CHD7: variants seen among roughly 807,000 people sequenced by gnomAD.
The protein encoded by CHD7 is chromodomain helicase DNA binding protein 7.
In CHD7, 24 loss-of-function variants were observed where a neutral mutation model predicts 307.3. The observed-to-expected ratio is 0.08, with a 90% CI of 0.06 to 0.11. The LOEUF (loss-of-function observed/expected upper bound fraction) is 0.11, where lower values mean the gene tolerates loss of function less well. Among genes scored for constraint, CHD7 ranks in the 10% least tolerant of loss-of-function variants. The pLI is 1.00. For synonymous variants in CHD7, 1,363 were observed against 1,349.9 expected (o/e 1.01, Z -0.21); for missense variants, 3,106 against 3,727.1 (o/e 0.83, Z 4.34).
chr8:60,687,172 T>A (rs1805946085), intron 1 of CHD7, among the ~76,000 whole-genome samples: 1 of 152,228 alleles, frequency 6.6e-6, no homozygotes, highest in African/African-American at 2.4e-5. Context: ...CTATTAAACA[T>A]CTTTAACATA....
In CHD7 at chr8:60,692,148, G is replaced by T. The variant is rs551224923; in HGVS notation, c.-175+13066G>T. 3.9e-5 allele frequency among the ~76,000 whole-genome samples: 6 copies of T among 152,260 alleles called. No homozygotes were observed. In the South Asian group the frequency reaches 1.2e-3, roughly 32 times the overall value. ...TGCTTGTCCATCATTCATATTATAAGAATTGCAAAAATTCTTACAGTGTAT... is the reference window on the plus strand; with the variant it reads ...TGCTTGTCCATCATTCATATTATAATAATTGCAAAAATTCTTACAGTGTAT... On this transcript the variant is annotated intron_variant, in intron 1 of 37. Transcript: ENST00000423902.
chr8:60,765,979 GAGA>G (rs887648930), intron 2 of CHD7, among the ~76,000 whole-genome samples: 1 of 152,190 alleles, frequency 6.6e-6, no homozygotes, highest in Non-Finnish European at 1.5e-5. Context: ...AGATATAACA[GAGA>G]GTAGTGGTGT....
chr8:60,836,450 G>C (rs1804744802), intron 16 of CHD7, among the ~76,000 whole-genome samples, 167 bp downstream of exon 16: 1 of 152,190 alleles, frequency 6.6e-6, no homozygotes, highest in African/African-American at 2.4e-5. Context: ...TATTTTATAT[G>C]ATGACTACAG....
At chr8:60,822,264 C>T (rs1804077013) in intron 11 of CHD7, 119 bp downstream of exon 11, 3 of 862,208 alleles carry the variant, frequency 3.5e-6, no homozygotes, top group South Asian at 5.6e-5. Flanking sequence ...TTTCAAAAAA[C>T]AAGCATTGAA....
intron 21 of CHD7, among the ~76,000 whole-genome samples, chr8:60,843,835 G>A (rs894423712): frequency 2.0e-5 from 3 of 152,202 alleles, no homozygotes; most frequent in African/African-American, 4.8e-5. Context: ...GTGAGGTACC[G>A]GCAGATAGAG....
intron 1 of CHD7, among the ~76,000 whole-genome samples, chr8:60,683,275 A>G (rs1805722174): frequency 6.6e-6 from 1 of 152,232 alleles, no homozygotes; most frequent in African/African-American, 2.4e-5. Flanking sequence ...TATAAAAGAA[A>G]TTGAGATCAA....
At chr8:60,715,916 G>A (rs1319044883) in intron 1 of CHD7, among the ~76,000 whole-genome samples, 1 of 152,094 alleles carries the variant, frequency 6.6e-6, no homozygotes, top group Non-Finnish European at 1.5e-5. Flanking sequence ...GTCTTCCTTC[G>A]TGAAAGGTGG....
At chr8:60,687,832 C>T (rs1044231267) in intron 1 of CHD7, among the ~76,000 whole-genome samples, 4 of 152,134 alleles carry the variant, frequency 2.6e-5, no homozygotes, top group South Asian at 2.1e-4. Flanking sequence ...ATTTCTAGCA[C>T]GTGGTGGAGG....
intron 2 of CHD7, among the ~76,000 whole-genome samples, chr8:60,760,938 T>A (rs1195428951): frequency 2.0e-5 from 3 of 152,184 alleles, no homozygotes; most frequent in East Asian, 3.8e-4. Context: ...GTGTGGCGAT[T>A]CCTCAGGGAT....
At chr8:60,744,818 T>G (rs13269752) in intron 2 of CHD7, among the ~76,000 whole-genome samples, 116,716 of 150,724 alleles carry the variant, frequency 0.77, 45,473 homozygotes, top group East Asian at 0.94. Context: ...TTGTGCCACT[T>G]CACTCCAGCC....
chr8:60,780,732 T>C (rs772852716), intron 2 of CHD7, among the ~76,000 whole-genome samples: 10 of 152,226 alleles, frequency 6.6e-5, no homozygotes, highest in Admixed American at 2.0e-4. Flanking sequence ...GTGTCTTCAG[T>C]TGAGTGAGTT....
chr8:60,709,464 C>G (rs914346468), intron 1 of CHD7, among the ~76,000 whole-genome samples: 7 of 152,144 alleles, frequency 4.6e-5, no homozygotes, highest in Admixed American at 3.9e-4. Flanking sequence ...AATAAAAACT[C>G]TTAGGTAAAA....
chr8:60,847,853 C>T (rs112230507), intron 23 of CHD7, among the ~76,000 whole-genome samples: 4 of 151,918 alleles, frequency 2.6e-5, no homozygotes, highest in African/African-American at 9.7e-5. Context: ...TTTTTTCAAG[C>T]TACTACAGCT....
At chr8:60,694,151 G>A (rs1324104811) in intron 1 of CHD7, among the ~76,000 whole-genome samples, 7 of 152,248 alleles carry the variant, frequency 4.6e-5, no homozygotes, top group African/African-American at 1.7e-4. Context: ...TGGCAATTTC[G>A]GTGTGAGGCT....
At chr8:60,714,107 GCTGGGCCGCGCTT>G (rs1222978335) in intron 1 of CHD7, among the ~76,000 whole-genome samples, 4 of 151,600 alleles carry the variant, frequency 2.6e-5, no homozygotes, top group Non-Finnish European at 4.4e-5. Flanking sequence ...GGTGGGCCGG[GCTGGGCCGCGCTT>G]CCGGGATGGG....
intron 21 of CHD7, among the ~76,000 whole-genome samples, chr8:60,843,709 TAGG>T (rs1205525649): frequency 2.0e-5 from 3 of 152,206 alleles, no homozygotes; most frequent in African/African-American, 7.2e-5. Context: ...CTTCTGGGGT[TAGG>T]AGGAATGAAA....
At position 60,781,527 on chromosome 8, in the gene CHD7, A is replaced by T; in HGVS notation, c.2096+97A>T. On this transcript the variant is annotated intron_variant, in intron 3 of 37. Coordinates refer to ENST00000423902, the MANE Select transcript of CHD7 (RefSeq NM_017780.4). ...TATGAAATGAGGGGTGGGAGGGGACACAATGATTTTTGTCATCATTGAGTT... is the reference window on the plus strand; with the variant it reads ...TATGAAATGAGGGGTGGGAGGGGACTCAATGATTTTTGTCATCATTGAGTT... The T allele has an allele frequency of 2.1e-6, 3 of 1,404,350 alleles. No individual in the cohort carries two copies. The South Asian group carries it at 5.1e-5, about 24-fold the overall frequency. 87.0% of individuals were successfully genotyped at this position (1,404,350 alleles called of 1,614,324 possible).
rs529419353 is a variant in CHD7, at chr8:60,715,782, A to G, written c.-174-25477A>G. ...TTAGAAAAACAAAACAAAACAAAAC[A>G]AAACGTCAAGTTACATGGTATAATG... On this transcript the variant is annotated intron_variant, in intron 1 of 37. Coordinates refer to ENST00000423902, the MANE Select transcript of CHD7 (RefSeq NM_017780.4). 7.3e-5 allele frequency among the ~76,000 whole-genome samples: 11 copies of G among 150,022 alleles called. No individual in the cohort carries two copies. In the East Asian group the frequency reaches 1.8e-3, roughly 25 times the overall value.
chr8:60,775,308 T>C (rs913779313), intron 2 of CHD7, among the ~76,000 whole-genome samples: 1 of 49,126 alleles, frequency 2.0e-5, no homozygotes, highest in Non-Finnish European at 9.3e-5. Flanking sequence ...TCTTGACATA[T>C]AGGAATATGT....
Sources: allele counts gnomAD v4.1 joint callset (sites outside exome capture counted in the v4.1 genomes callset), GRCh38; gene constraint gnomAD v4.1.1; transcripts MANE v1.5; gene names NCBI Gene and HGNC (gene_info 2026-07-23, HGNC 2026-07-21).